The following NRXN3 variants were observed in gnomAD, a reference collection of about 807,000 sequenced individuals.
The protein encoded by NRXN3 is neurexin 3.
Under a neutral mutation model 137.6 loss-of-function variants are expected in NRXN3, and 32 were observed. The ratio of observed to expected loss-of-function variants is 0.23; its 90% confidence interval spans 0.18 to 0.31. The LOEUF (loss-of-function observed/expected upper bound fraction) is 0.31, where lower values mean the gene tolerates loss of function less well. NRXN3 is among the 10% of genes least tolerant of loss of function. The pLI, the probability that NRXN3 is intolerant of heterozygous loss-of-function variation, is 1.00. For synonymous variants in NRXN3, 798 were observed against 784.5 expected, an observed-to-expected ratio of 1.02 and a Z score of -0.29; for missense variants, 1,574 against 2,062.5, an observed-to-expected ratio of 0.76 and a Z score of 4.59.
intron 4 of NRXN3, among the ~76,000 whole-genome samples, chr14:78,557,603 GT>G (rs1407548079): frequency 6.6e-6 from 1 of 152,210 alleles, no homozygotes; most frequent in East Asian, 1.9e-4. Flanking sequence ...GTGGCCTTTA[GT>G]TCTTATGACA....
chr14:79,771,328 A>G (rs2099077606), intron 19 of NRXN3, among the ~76,000 whole-genome samples: 2 of 152,216 alleles, frequency 1.3e-5, no homozygotes, highest in Non-Finnish European at 2.9e-5. Context: ...ACCAAAAAAG[A>G]GAATTTTAGA....
At chr14:78,471,703 C>T (rs2095276171) in intron 4 of NRXN3, among the ~76,000 whole-genome samples, 1 of 152,160 alleles carries the variant, frequency 6.6e-6, no homozygotes, top group African/African-American at 2.4e-5. Flanking sequence ...AATATCCAGG[C>T]ATAATTACGA....
intron 10 of NRXN3, among the ~76,000 whole-genome samples, chr14:78,841,244 A>G (rs1008939996): frequency 1.3e-5 from 2 of 152,086 alleles, no homozygotes; most frequent in Non-Finnish European, 2.9e-5. Flanking sequence ...TTTGCTAGAA[A>G]TCTGTCTTTG....
At chr14:79,374,524 A>G (rs1280968509) in intron 15 of NRXN3, among the ~76,000 whole-genome samples, 1 of 152,040 alleles carries the variant, frequency 6.6e-6, no homozygotes, top group Non-Finnish European at 1.5e-5. Context: ...TTTTTAAAAA[A>G]TTAATCCTGC....
intron 15 of NRXN3, among the ~76,000 whole-genome samples, chr14:79,058,975 C>A (rs775965695): frequency 6.6e-6 from 1 of 152,100 alleles, no homozygotes; most frequent in Non-Finnish European, 1.5e-5. Flanking sequence ...AAACCTTTTT[C>A]TTTTATAAAT....
intron 1 of NRXN3, among the ~76,000 whole-genome samples, chr14:78,221,692 T>C (rs2063870377): frequency 6.6e-6 from 1 of 152,134 alleles, no homozygotes; most frequent in African/African-American, 2.4e-5. Flanking sequence ...TTGGATGGGG[T>C]TTGGCTGATC....
chr14:78,658,279 C>A (rs762021737), intron 6 of NRXN3, among the ~76,000 whole-genome samples: 1 of 152,150 alleles, frequency 6.6e-6, no homozygotes, highest in Non-Finnish European at 1.5e-5. Context: ...AGTTGCATGG[C>A]TTTTAGCAAG....
At chr14:79,089,743 C>T (rs993977179) in intron 15 of NRXN3, among the ~76,000 whole-genome samples, 9 of 152,056 alleles carry the variant, frequency 5.9e-5, no homozygotes, top group African/African-American at 1.4e-4. Flanking sequence ...CCCTCAAACT[C>T]GTGCAGAGAG....
chr14:79,062,298 C>CCTTT (rs1239653852), intron 15 of NRXN3, among the ~76,000 whole-genome samples: 2 of 152,110 alleles, frequency 1.3e-5, no homozygotes, highest in African/African-American at 4.8e-5. Context: ...ACACCTACAC[C>CCTTT]CTTTCTTTCT....
At chr14:79,346,626 G>T (rs2092900715) in intron 15 of NRXN3, among the ~76,000 whole-genome samples, 1 of 152,098 alleles carries the variant, frequency 6.6e-6, no homozygotes, top group African/African-American at 2.4e-5. Context: ...CTGCCCCTAA[G>T]GTCACTACCC....
chr14:78,445,711 T>C (rs2094400056), intron 4 of NRXN3, among the ~76,000 whole-genome samples: 1 of 152,200 alleles, frequency 6.6e-6, no homozygotes, highest in Non-Finnish European at 1.5e-5. Context: ...ACTGTGATAG[T>C]TGAAAAAATG....
At chr14:78,343,202 T>A (rs1395781584) in intron 4 of NRXN3, among the ~76,000 whole-genome samples, 1 of 152,222 alleles carries the variant, frequency 6.6e-6, no homozygotes, top group Admixed American at 6.5e-5. Flanking sequence ...GAATTTTGCT[T>A]CTACCATTTG....
At chr14:79,443,319 G>A (rs2095999757) in intron 15 of NRXN3, among the ~76,000 whole-genome samples, 1 of 152,160 alleles carries the variant, frequency 6.6e-6, no homozygotes, top group South Asian at 2.1e-4. Flanking sequence ...TTAGGGAACT[G>A]GAGAAGCTAA....
chr14:78,525,840 T>C (rs1437937128), intron 4 of NRXN3, among the ~76,000 whole-genome samples: 1 of 152,202 alleles, frequency 6.6e-6, no homozygotes, highest in East Asian at 1.9e-4. Context: ...AGTGTGACCT[T>C]AATTTTTTAA....
At chr14:79,593,111 T>G (rs2097823168) in intron 16 of NRXN3, among the ~76,000 whole-genome samples, 1 of 152,154 alleles carries the variant, frequency 6.6e-6, no homozygotes, top group Non-Finnish European at 1.5e-5. Context: ...AGTTCATATC[T>G]TAGCCCCTTT....
At chr14:79,506,219 A>G (rs1006088356) in intron 16 of NRXN3, among the ~76,000 whole-genome samples, 2 of 152,334 alleles carry the variant, frequency 1.3e-5, no homozygotes, top group Non-Finnish European at 1.5e-5. Context: ...GGATTTTACA[A>G]AAGAATGACT....
chr14:79,419,623 G>T (rs1393674202), intron 15 of NRXN3, among the ~76,000 whole-genome samples: 2 of 152,104 alleles, frequency 1.3e-5, no homozygotes, highest in South Asian at 4.2e-4. Flanking sequence ...GAGAGAGAAA[G>T]GGAGGGGAGA....
At chr14:79,723,519 A>T (rs1301477338) in intron 19 of NRXN3, among the ~76,000 whole-genome samples, 1 of 152,068 alleles carries the variant, frequency 6.6e-6, no homozygotes, top group Non-Finnish European at 1.5e-5. Context: ...CTGTGCTATT[A>T]ATAACCTGAG....
chr14:78,871,765 T>A (rs964120630), intron 10 of NRXN3, among the ~76,000 whole-genome samples: 1 of 152,256 alleles, frequency 6.6e-6, no homozygotes, highest in Non-Finnish European at 1.5e-5. Context: ...CTACTCAGAC[T>A]TTTTATTGTT....
Sources: allele counts gnomAD v4.1 joint callset (sites outside exome capture counted in the v4.1 genomes callset), GRCh38; gene constraint gnomAD v4.1.1; transcripts MANE v1.5; gene names NCBI Gene and HGNC (gene_info 2026-07-23, HGNC 2026-07-21).